Variants in SIPA1L1 observed in about 807,000 individuals in gnomAD.
The protein encoded by SIPA1L1 is signal induced proliferation associated 1 like 1.
A neutral mutation model predicts 162.7 loss-of-function variants in SIPA1L1; 26 were observed. The ratio of observed to expected loss-of-function variants is 0.16; its 90% CI spans 0.12 to 0.22. SIPA1L1 has a LOEUF of 0.22. SIPA1L1 is among the 10% of genes least tolerant of loss of function. SIPA1L1 has a pLI of 1.00. For synonymous variants in SIPA1L1, 829 were observed against 837.4 expected (o/e 0.99, Z 0.17); for missense variants, 1,874 against 2,241.0 (o/e 0.84, Z 3.31).
intron 2 of SIPA1L1, among the ~76,000 whole-genome samples, chr14:71,345,759 G>A (rs902056711): frequency 1.3e-5 from 2 of 151,622 alleles, no homozygotes; most frequent in Non-Finnish European, 2.9e-5. Flanking sequence ...TAGTAGAGAC[G>A]GGGTTTCACC....
intron 2 of SIPA1L1, among the ~76,000 whole-genome samples, chr14:71,446,208 T>G (rs1481605176): frequency 6.6e-6 from 1 of 152,168 alleles, no homozygotes; most frequent in African/African-American, 2.4e-5. Flanking sequence ...TAAAAGAAGC[T>G]GATTTTAGCT....
intron 5 of SIPA1L1, among the ~76,000 whole-genome samples, chr14:71,609,997 G>A (rs2038014799): frequency 6.6e-6 from 1 of 151,514 alleles, no homozygotes; most frequent in South Asian, 2.1e-4. Flanking sequence ...ATATAGTAAT[G>A]GACGTGCTTC....
At chr14:71,478,699 T>C (rs1392666032) in intron 2 of SIPA1L1, among the ~76,000 whole-genome samples, 1 of 152,200 alleles carries the variant, frequency 6.6e-6, no homozygotes, top group Admixed American at 6.5e-5. Flanking sequence ...CCTCCTTCCC[T>C]GGGGTTCCCC....
chr14:71,677,994 T>C (rs1296206185), intron 12 of SIPA1L1, among the ~76,000 whole-genome samples: 2 of 152,216 alleles, frequency 1.3e-5, no homozygotes, highest in African/African-American at 4.8e-5. Context: ...GTATTTTGTA[T>C]CCTGAGACTT....
intron 4 of SIPA1L1, among the ~76,000 whole-genome samples, chr14:71,579,520 A>G (rs576728121): frequency 1.3e-5 from 2 of 152,340 alleles, no homozygotes; most frequent in East Asian, 3.9e-4. Context: ...GCTGTCTTAG[A>G]TCCCTTGAGG....
At chr14:71,445,649 A>G (rs1269945383) in intron 2 of SIPA1L1, among the ~76,000 whole-genome samples, 1 of 152,178 alleles carries the variant, frequency 6.6e-6, no homozygotes, top group East Asian at 1.9e-4. Context: ...TCAAATGTAA[A>G]ACACTCTCAG....
intron 4 of SIPA1L1, among the ~76,000 whole-genome samples, chr14:71,568,337 G>T (rs2031197994): frequency 1.3e-5 from 2 of 152,228 alleles, no homozygotes. Flanking sequence ...CCGAATAGGT[G>T]TGATGATATT....
intron 7 of SIPA1L1, among the ~76,000 whole-genome samples, chr14:71,639,790 T>G (rs995779321): frequency 3.3e-5 from 5 of 152,202 alleles, no homozygotes; most frequent in Non-Finnish European, 7.3e-5. Flanking sequence ...ATCTAGCTCA[T>G]TTTTGGCATA....
At chr14:71,325,081 C>G (rs934048328) in intron 2 of SIPA1L1, among the ~76,000 whole-genome samples, 2 of 152,128 alleles carry the variant, frequency 1.3e-5, no homozygotes, top group Non-Finnish European at 2.9e-5. Flanking sequence ...GGTATTCTGC[C>G]ATTGCTCACA....
chr14:71,698,010 G>A (rs935596466), intron 13 of SIPA1L1, among the ~76,000 whole-genome samples: 1 of 152,100 alleles, frequency 6.6e-6, no homozygotes, highest in Non-Finnish European at 1.5e-5. Flanking sequence ...TGGGCTTAGA[G>A]TCTAGAGACC....
In SIPA1L1 at chr14:71,544,253, TATACACATG is replaced by T. The variant is rs2054924445; in HGVS notation, c.-303+14887_-303+14895del. 3.7e-5 allele frequency among the ~76,000 whole-genome samples: 4 copies of T among 106,964 alleles called. No individual in the cohort carries two copies. The South Asian group carries it at 8.2e-4, about 22-fold the overall frequency. The allele number at this position is 106,964 out of a possible 152,430, so 70.2% of individuals were successfully genotyped here. On this transcript the variant is annotated intron_variant, in intron 4 of 23. Coordinates refer to ENST00000381232, the MANE Select transcript of SIPA1L1 (RefSeq NM_001386936.1). The stretch of plus-strand genomic sequence containing the variant: ...TATCATGTATGTATACACATATGTA[TATACACATG>T]ATATGTGTATATACATATGTGTATA...
At chr14:71,514,809 T>C (rs141230696) in intron 3 of SIPA1L1, among the ~76,000 whole-genome samples, 1 of 152,354 alleles carries the variant, frequency 6.6e-6, no homozygotes, top group East Asian at 1.9e-4. Flanking sequence ...CACGTTAACA[T>C]ATAAAACTAA....
intron 2 of SIPA1L1, among the ~76,000 whole-genome samples, chr14:71,507,228 G>A (rs1478075688): frequency 2.6e-5 from 4 of 152,030 alleles, no homozygotes; most frequent in African/African-American, 7.3e-5. Context: ...ACAGCACAAC[G>A]TACTCTCATA....
chr14:71,465,793 T>C (rs995560557), intron 2 of SIPA1L1, among the ~76,000 whole-genome samples: 10 of 152,140 alleles, frequency 6.6e-5, no homozygotes, highest in African/African-American at 2.2e-4. Flanking sequence ...CAATAGGCTG[T>C]CTGCAAGCTT....
At chr14:71,540,787 A>G (rs2054308266) in intron 4 of SIPA1L1, among the ~76,000 whole-genome samples, 1 of 152,156 alleles carries the variant, frequency 6.6e-6, no homozygotes, top group African/African-American at 2.4e-5. Context: ...AAAAGTACTC[A>G]AATATACAGT....
intron 2 of SIPA1L1, among the ~76,000 whole-genome samples, chr14:71,506,037 G>A (rs966889485): frequency 6.6e-6 from 1 of 150,458 alleles, no homozygotes; most frequent in Admixed American, 6.7e-5. Context: ...TTGGATAAGG[G>A]ATACTCATCC....
At chr14:71,601,723 C>A (rs2036779918) in intron 5 of SIPA1L1, among the ~76,000 whole-genome samples, 1 of 152,054 alleles carries the variant, frequency 6.6e-6, no homozygotes, top group South Asian at 2.1e-4. Flanking sequence ...CTAGACTCTT[C>A]TTTATTGGGA....
chr14:71,700,692 A>T (rs1443919539), intron 14 of SIPA1L1, among the ~76,000 whole-genome samples: 1 of 152,042 alleles, frequency 6.6e-6, no homozygotes, highest in East Asian at 1.9e-4. Context: ...AACTGGGGGG[A>T]TGATATAATA....
At chr14:71,535,805 T>G (rs1251965470) in intron 4 of SIPA1L1, among the ~76,000 whole-genome samples, 1 of 152,096 alleles carries the variant, frequency 6.6e-6, no homozygotes, top group Non-Finnish European at 1.5e-5. Context: ...ACAAGGGGTT[T>G]CACCATGTTG....
Sources: allele counts gnomAD v4.1 joint callset (sites outside exome capture counted in the v4.1 genomes callset), GRCh38; gene constraint gnomAD v4.1.1; transcripts MANE v1.5; gene names NCBI Gene and HGNC (gene_info 2026-07-23, HGNC 2026-07-21).